The following CDH8 variants were observed in gnomAD, a reference collection of about 807,000 sequenced individuals.
CDH8 encodes cadherin 8.
A neutral mutation model predicts 68.1 loss-of-function variants in CDH8; 17 were observed. That is an observed-to-expected ratio of 0.25 (90% CI 0.17 to 0.37). The LOEUF (loss-of-function observed/expected upper bound fraction) is 0.37. CDH8 is among the 10% of genes least tolerant of loss of function. The pLI is 1.00. For missense variants in CDH8, 763 were observed against 999.3 expected, an observed-to-expected ratio of 0.76 and a Z score of 3.19; for synonymous variants, 372 against 365.1, an observed-to-expected ratio of 1.02 and a Z score of -0.21.
intron 8 of CDH8, among the ~76,000 whole-genome samples, chr16:61,746,910 A>C (rs1475205554): frequency 6.6e-6 from 1 of 152,086 alleles, no homozygotes; most frequent in Non-Finnish European, 1.5e-5. Flanking sequence ...TAAATAAACA[A>C]ATACATAATT....
At chr16:61,663,575 T>A (rs530926186) in intron 10 of CDH8, among the ~76,000 whole-genome samples, 8 of 152,144 alleles carry the variant, frequency 5.3e-5, no homozygotes, top group Non-Finnish European at 1.0e-4. Context: ...AGAGCAGGAA[T>A]CCTCATAACA....
intron 2 of CDH8, among the ~76,000 whole-genome samples, chr16:61,903,772 T>C (rs1318899128): frequency 1.3e-5 from 2 of 152,190 alleles, no homozygotes; most frequent in Non-Finnish European, 2.9e-5. Flanking sequence ...ACTGAAACCA[T>C]CCAGCTATCC....
chr16:61,965,219 T>A (rs1466343983), intron 2 of CDH8, among the ~76,000 whole-genome samples: 1 of 152,202 alleles, frequency 6.6e-6, no homozygotes, highest in Non-Finnish European at 1.5e-5. Flanking sequence ...TCATCTAACA[T>A]AGACTTCCCC....
intron 3 of CDH8, among the ~76,000 whole-genome samples, chr16:61,867,095 C>T (rs1471517790): frequency 6.6e-6 from 1 of 152,082 alleles, no homozygotes; most frequent in Non-Finnish European, 1.5e-5. Context: ...CACTGAGCCA[C>T]TGAGCTACTG....
intron 2 of CDH8, among the ~76,000 whole-genome samples, chr16:61,905,121 A>G (rs1301703396): frequency 1.3e-5 from 2 of 152,196 alleles, no homozygotes; most frequent in Non-Finnish European, 2.9e-5. Flanking sequence ...AAGGCTGGGG[A>G]AGGGTGATCT....
chr16:61,654,088 C>T lies in CDH8; in HGVS notation c.1920G>A (p.Leu640=). 1 of 1,612,692 alleles carries T rather than the reference C, an allele frequency of 6.2e-7. No individual in the cohort carries two copies. The highest frequency in any genetic ancestry group is 8.5e-7 in the Non-Finnish European group (1 of 1,179,408). Residue 640 remains leucine, a synonymous_variant, in exon 12 of 12, where the codon CTG becomes CTA. Transcript: ENST00000577390. ...TTTTATGCCGCCGTAGAGTTACAAA[C>T]AGCACCACGATGACTAGAGGAAAAA... ...CIILLLVIVV[L]FVTLRRHKNE...
chr16:61,947,181 A>G (rs1237089808), intron 2 of CDH8, among the ~76,000 whole-genome samples: 1 of 113,818 alleles, frequency 8.8e-6, no homozygotes, highest in African/African-American at 3.6e-5. Context: ...TTATTTCTAA[A>G]TTGAAGTATA....
chr16:62,003,329 T>A (rs1387163359), intron 2 of CDH8, among the ~76,000 whole-genome samples: 1 of 152,218 alleles, frequency 6.6e-6, no homozygotes, highest in African/African-American at 2.4e-5. Flanking sequence ...CAAGCGTTTT[T>A]AAAATTTTGC....
chr16:61,653,048 C>A lies in CDH8; in HGVS notation c.*560G>T. The A allele has an allele frequency of 7.3e-7, 1 of 1,377,076 alleles. No individual in the cohort carries two copies. The highest frequency in any genetic ancestry group is 9.4e-7 in the Non-Finnish European group (1 of 1,066,836). 85.3% of individuals were successfully genotyped at this position (1,377,076 alleles called of 1,614,324 possible). ...TTCAGTCTCTAGTGAGTGGGGCCAA[C>A]AATTATGTACAATGTGTGGTCACCG... On this transcript the variant is annotated 3_prime_UTR_variant, in exon 12 of 12. Transcript: ENST00000577390.
chr16:61,703,772 G>A (rs1018104695), intron 10 of CDH8, among the ~76,000 whole-genome samples: 4 of 152,126 alleles, frequency 2.6e-5, no homozygotes, highest in African/African-American at 7.2e-5. Context: ...CCCGGGAGGC[G>A]GAGCTTGCAG....
intron 3 of CDH8, among the ~76,000 whole-genome samples, chr16:61,858,167 A>G (rs1963083456): frequency 6.6e-6 from 1 of 152,074 alleles, no homozygotes; most frequent in South Asian, 2.1e-4. Flanking sequence ...GGGTCAAACA[A>G]ATAGAGAAGG....
chr16:61,881,788 G>C (rs751800310), intron 3 of CDH8, among the ~76,000 whole-genome samples: 2 of 152,164 alleles, frequency 1.3e-5, no homozygotes, highest in Non-Finnish European at 2.9e-5. Context: ...CTAGTAGTTA[G>C]GCAAAGATCC....
chr16:61,810,666 C>T (rs1367796709), intron 7 of CDH8, among the ~76,000 whole-genome samples: 1 of 152,100 alleles, frequency 6.6e-6, no homozygotes, highest in African/African-American at 2.4e-5. Flanking sequence ...GGTTTTCCTC[C>T]ATGTGACCTT....
chr16:61,779,712 G>T (rs1960997987), intron 8 of CDH8, among the ~76,000 whole-genome samples: 1 of 152,050 alleles, frequency 6.6e-6, no homozygotes, highest in African/African-American at 2.4e-5. Flanking sequence ...TTAGGATTCT[G>T]GTTTTAAAAG....
At chr16:61,768,447 G>A (rs556770759) in intron 8 of CDH8, among the ~76,000 whole-genome samples, 24 of 104,008 alleles carry the variant, frequency 2.3e-4, no homozygotes, top group African/African-American at 6.9e-4. Context: ...TCTCTCTCTC[G>A]CAGTGCCTGG....
At chr16:61,882,228 C>T (rs991274959) in intron 3 of CDH8, among the ~76,000 whole-genome samples, 12 of 152,108 alleles carry the variant, frequency 7.9e-5, no homozygotes, top group African/African-American at 2.9e-4. Context: ...GTGTTTTACT[C>T]GATGGATATA....
chr16:61,822,168 C>T (rs750152930), intron 5 of CDH8, among the ~76,000 whole-genome samples: 2 of 135,878 alleles, frequency 1.5e-5, no homozygotes, highest in Admixed American at 1.6e-4. Context: ...AGATAAAGTT[C>T]CAGTAACCCA....
chr16:61,814,315 G>A (rs1345631074), intron 7 of CDH8, among the ~76,000 whole-genome samples: 1 of 152,154 alleles, frequency 6.6e-6, no homozygotes, highest in African/African-American at 2.4e-5. Context: ...ACATAGTATT[G>A]CAGAAAGTAG....
intron 10 of CDH8, among the ~76,000 whole-genome samples, chr16:61,661,143 A>C (rs1963549334): frequency 6.6e-6 from 1 of 152,040 alleles, no homozygotes; most frequent in Admixed American, 6.6e-5. Context: ...AAATATCTAG[A>C]AATTAAAAAG....
Sources: gnomAD v4.1 joint callset for allele counts (sites outside exome capture counted in the v4.1 genomes callset) on GRCh38, gnomAD v4.1.1 for gene constraint, MANE v1.5 for transcripts, NCBI Gene and HGNC (gene_info 2026-07-23, HGNC 2026-07-21) for gene names.